Variants in BCKDHB observed in about 807,000 individuals in gnomAD.
BCKDHB encodes the protein 2-oxoisovalerate dehydrogenase subunit beta, mitochondrial.
A neutral mutation model predicts 48.5 loss-of-function variants in BCKDHB; 41 were observed. The ratio of observed to expected loss-of-function variants is 0.85; its 90% confidence interval spans 0.66 to 1.10. The LOEUF is 1.10. BCKDHB is among the 50% of genes least tolerant of loss of function. The pLI, the probability that BCKDHB is intolerant of heterozygous loss-of-function variation, is 0.00. For synonymous variants in BCKDHB, 201 were observed against 174.8 expected, an observed-to-expected ratio of 1.15 and a Z score of -1.18; for missense variants, 496 against 494.2, an observed-to-expected ratio of 1.00 and a Z score of -0.03.
chr6:80,242,236 A>G (rs902673361), intron 8 of BCKDHB, among the ~76,000 whole-genome samples: 2 of 152,096 alleles, frequency 1.3e-5, no homozygotes, highest in African/African-American at 4.8e-5. Context: ...ATTTAGGGTG[A>G]TTTAAGGTAA....
rs1427503619 is a variant in BCKDHB, at chr6:80,184,386, ATTTT to A, written c.742+12998_742+13001del. ...CAGACAGTAGATACTTGGTTGGTAG[ATTTT>A]TATTTATTCTGTATCTCTTAAGTGG... On this transcript the variant is annotated intron_variant, in intron 6 of 9. Coordinates refer to ENST00000320393, the MANE Select transcript of BCKDHB (RefSeq NM_183050.4). 2.6e-5 allele frequency among the ~76,000 whole-genome samples: 4 copies of A among 152,046 alleles called. No individual in the cohort carries two copies. In the South Asian group the frequency reaches 8.3e-4, roughly 32 times the overall value.
intron 8 of BCKDHB, among the ~76,000 whole-genome samples, chr6:80,229,814 A>T (rs1775833023): frequency 6.6e-6 from 1 of 152,040 alleles, no homozygotes; most frequent in South Asian, 2.1e-4. Context: ...GGAAAATGAC[A>T]AAGATATCCT....
the BCKDHB span, among the ~76,000 whole-genome samples, chr6:80,369,121 G>A: frequency 0.96 from 145,360 of 152,112 alleles, 69,823 homozygotes; most frequent in Middle Eastern, 1. Flanking sequence ...ATTCTTTGTT[G>A]TAATTTGATG....
At chr6:80,108,317 T>A (rs1769233810) in intron 1 of BCKDHB, among the ~76,000 whole-genome samples, 1 of 151,498 alleles carries the variant, frequency 6.6e-6, no homozygotes, top group Admixed American at 6.6e-5. Context: ...TGTTTTTTTT[T>A]TTTTTTCCAC....
At chr6:80,436,125 A>G in the BCKDHB span, among the ~76,000 whole-genome samples, 2 of 77,070 alleles carry the variant, frequency 2.6e-5, no homozygotes, top group Non-Finnish European at 6.4e-5. Context: ...CTTTGTTTGT[A>G]TTCTTTCTGA....
the BCKDHB span, among the ~76,000 whole-genome samples, chr6:80,410,271 G>A: frequency 6.6e-6 from 1 of 152,088 alleles, no homozygotes; most frequent in African/African-American, 2.4e-5. Flanking sequence ...CTTGAATACT[G>A]GCCCCCACAT....
chr6:80,360,306 C>T, the BCKDHB span, among the ~76,000 whole-genome samples: 3 of 152,182 alleles, frequency 2.0e-5, no homozygotes, highest in African/African-American at 7.2e-5. Flanking sequence ...GAACATCAGC[C>T]TATGCCTCTA....
intron 8 of BCKDHB, among the ~76,000 whole-genome samples, chr6:80,228,245 G>C (rs868632576): frequency 6.6e-6 from 1 of 152,088 alleles, no homozygotes; most frequent in Non-Finnish European, 1.5e-5. Context: ...TTGTTTTTGT[G>C]ATTTCTGGGA....
the BCKDHB span, among the ~76,000 whole-genome samples, chr6:80,374,753 T>G: frequency 2.0e-5 from 3 of 152,336 alleles, no homozygotes; most frequent in East Asian, 5.8e-4. Flanking sequence ...TCCTGTGAGA[T>G]GTACGCTTTA....
chr6:80,208,225 T>G (rs776173829), intron 8 of BCKDHB, among the ~76,000 whole-genome samples: 72 of 151,766 alleles, frequency 4.7e-4, no homozygotes, highest in Non-Finnish European at 8.9e-4. Flanking sequence ...TACCTTACTC[T>G]AAATAACCGT....
chr6:80,205,879 C>T (rs1270827597), intron 8 of BCKDHB, among the ~76,000 whole-genome samples: 1 of 149,652 alleles, frequency 6.7e-6, no homozygotes, highest in African/African-American at 2.5e-5. Context: ...GTTCAAAGCC[C>T]TGAAATGAGT....
At position 80,137,726 on chromosome 6, in the gene BCKDHB, T is replaced by C. The variant is rs140718690; in HGVS notation, c.343+8497T>C. 1.7e-3 allele frequency among the ~76,000 whole-genome samples: 262 copies of C among 152,058 alleles called. 1 individual carries two copies. The highest frequency in any genetic ancestry group is 6.1e-3 in the African/African-American group (251 of 41,434). On this transcript the variant is annotated intron_variant, in intron 3 of 9. Transcript: ENST00000320393. ...CACTAGAATCTGGTGGATGGAGACC[T>C]AGAATGCTGCTAAACATGCACAGGG... is the stretch of plus-strand genomic sequence containing the variant.
chr6:80,212,415 T>C (rs1774980196), intron 8 of BCKDHB, among the ~76,000 whole-genome samples: 1 of 152,146 alleles, frequency 6.6e-6, no homozygotes, highest in Non-Finnish European at 1.5e-5. Flanking sequence ...ATTTATAGGC[T>C]CTCTGCAAGA....
At chr6:80,443,393 C>T in the BCKDHB span, 1 of 150,918 alleles carries the variant, frequency 6.6e-6, no homozygotes, top group African/African-American at 2.5e-5. Context: ...CCATCCCTGA[C>T]TCTCTTTTTT....
the BCKDHB span, among the ~76,000 whole-genome samples, chr6:80,369,181 G>A: frequency 1.4e-5 from 2 of 146,790 alleles, no homozygotes; most frequent in Non-Finnish European, 3.0e-5. Flanking sequence ...GATATTTCCA[G>A]TGCTTCCCAC....
At chr6:80,213,524 C>T (rs1288582341) in intron 8 of BCKDHB, among the ~76,000 whole-genome samples, 1 of 152,092 alleles carries the variant, frequency 6.6e-6, no homozygotes, top group East Asian at 1.9e-4. Context: ...CCATCACAGC[C>T]ACTGTGCACT....
the BCKDHB span, among the ~76,000 whole-genome samples, chr6:80,361,019 G>GA: frequency 3.8e-4 from 45 of 118,912 alleles, no homozygotes; most frequent in Admixed American, 3.5e-3. Flanking sequence ...AAAAAAAAAA[G>GA]AAAAAAATGA....
Position 80,275,997 on chromosome 6 carries a change from A to G in BCKDHB, c.1038+2776A>G, listed in dbSNP as rs181642813. The stretch of plus-strand genomic sequence containing the variant: ...AACAGGGTTAAGATATTGAAAGCCA[A>G]CTTTCTGGGACAGCAGAGAAAATGT... On this transcript the variant is annotated intron_variant, in intron 9 of 9. Coordinates refer to ENST00000320393, the MANE Select transcript of BCKDHB (RefSeq NM_183050.4). 6.7e-3 allele frequency among the ~76,000 whole-genome samples: 1,015 copies of G among 152,100 alleles called. 9 individuals carry two copies. Among genetic ancestry groups the G allele is most frequent in the Non-Finnish European group, 0.01 (712 of 67,856 alleles).
chr6:80,132,431 C>T (rs1770677546), intron 3 of BCKDHB, among the ~76,000 whole-genome samples: 1 of 152,072 alleles, frequency 6.6e-6, no homozygotes, highest in Non-Finnish European at 1.5e-5. Context: ...GTGAATTTAC[C>T]CTTTGCTCTC....
Sources: allele counts gnomAD v4.1 joint callset (sites outside exome capture counted in the v4.1 genomes callset), GRCh38; gene constraint gnomAD v4.1.1; transcripts MANE v1.5; gene names NCBI Gene and HGNC (gene_info 2026-07-23, HGNC 2026-07-21).